ZNF536: variants seen among roughly 807,000 people sequenced by gnomAD.
The protein encoded by ZNF536 is zinc finger protein 536.
ZNF536 carries 13 observed loss-of-function variants against 84.5 expected under a neutral mutation model. The ratio of observed to expected loss-of-function variants is 0.15; its 90% CI spans 0.10 to 0.24. ZNF536 has a LOEUF of 0.24. ZNF536 is among the 10% of genes least tolerant of loss of function. The pLI, the probability that ZNF536 is intolerant of heterozygous loss-of-function variation, is 1.00. For synonymous variants in ZNF536, 811 were observed against 742.5 expected, an observed-to-expected ratio of 1.09 and a Z score of -1.50; for missense variants, 1,536 against 1,747.5, an observed-to-expected ratio of 0.88 and a Z score of 2.16.
intron 1 of ZNF536, among the ~76,000 whole-genome samples, chr19:30,708,572 C>A (rs1372232532): frequency 6.6e-6 from 1 of 152,166 alleles, no homozygotes; most frequent in Non-Finnish European, 1.5e-5. Context: ...ATGAAGGCCA[C>A]CCGCGGGCTG....
At chr19:30,710,445 C>A (rs146586876) in intron 1 of ZNF536, among the ~76,000 whole-genome samples, 6 of 152,208 alleles carry the variant, frequency 3.9e-5, no homozygotes, top group African/African-American at 1.4e-4. Flanking sequence ...GAGGCTAAGG[C>A]GGGAGGATGG....
intron 3 of ZNF536, among the ~76,000 whole-genome samples, chr19:30,537,761 G>T (rs905812090): frequency 6.6e-6 from 1 of 152,164 alleles, no homozygotes; most frequent in Admixed American, 6.5e-5. Context: ...ATACTCTTCG[G>T]AGACATTGAG....
intron 1 of ZNF536, among the ~76,000 whole-genome samples, chr19:30,620,137 A>T (rs755377336): frequency 1.3e-5 from 2 of 151,438 alleles, no homozygotes; most frequent in African/African-American, 2.4e-5. Context: ...ACTCAGCCAG[A>T]CTCTTAAGGT....
intron 2 of ZNF536, among the ~76,000 whole-genome samples, chr19:30,462,291 T>TG (rs1466917739): frequency 2.8e-5 from 4 of 144,400 alleles, no homozygotes; most frequent in African/African-American, 1.1e-4. Context: ...TTCTTGTGAT[T>TG]TTGTGTGTGT....
At chr19:30,407,694 T>C (rs2050319260) in intron 1 of ZNF536, among the ~76,000 whole-genome samples, 1 of 152,230 alleles carries the variant, frequency 6.6e-6, no homozygotes, top group Non-Finnish European at 1.5e-5. Flanking sequence ...CTTATGCATA[T>C]ATATTCTCTC....
rs867517530 is a variant in ZNF536, at chr19:30,313,577, C to T, written c.-120+29436C>T. Among the ~76,000 whole-genome samples, 10 of 152,284 alleles carry T rather than the reference C, an allele frequency of 6.6e-5. No homozygotes were observed. The Middle Eastern group carries it at 0.024, about 363-fold the overall frequency. On this transcript the variant is annotated intron_variant, in intron 2 of 5. Coordinates refer to the ZNF536 transcript ENST00000585628. ...CACCCCCTGCAACTCTCACCCTCAC[C>T]CCATGACCTCCAAAGCCTCCCAGGG...
chr19:30,253,886 G>C (rs989127889), intron 1 of ZNF536, among the ~76,000 whole-genome samples: 3 of 152,124 alleles, frequency 2.0e-5, no homozygotes, highest in Non-Finnish European at 4.4e-5. Flanking sequence ...AGATTAGTGA[G>C]TCAGAAAAGA....
At chr19:30,240,297 C>T (rs964872900) in intron 1 of ZNF536, among the ~76,000 whole-genome samples, 9 of 151,830 alleles carry the variant, frequency 5.9e-5, no homozygotes, top group African/African-American at 1.9e-4. Context: ...TGCTCAAACC[C>T]GGGAGGCAGA....
At chr19:30,361,050 A>G (rs923494672) in intron 3 of ZNF536, among the ~76,000 whole-genome samples, 1 of 152,204 alleles carries the variant, frequency 6.6e-6, no homozygotes, top group Non-Finnish European at 1.5e-5. Flanking sequence ...ATAGTGCCTG[A>G]CAACTTGCCG....
intron 1 of ZNF536, among the ~76,000 whole-genome samples, chr19:30,639,950 A>G (rs1404963800): frequency 1.3e-5 from 2 of 152,180 alleles, no homozygotes; most frequent in Admixed American, 1.3e-4. Flanking sequence ...AATTATTTAT[A>G]TACTCACATA....
chr19:30,540,934 C>T (rs2045304741), intron 3 of ZNF536, among the ~76,000 whole-genome samples: 1 of 152,202 alleles, frequency 6.6e-6, no homozygotes, highest in African/African-American at 2.4e-5. Context: ...CTTCCTTGGC[C>T]CCACGTGCTT....
At chr19:30,646,992 C>G (rs894746599) in intron 1 of ZNF536, among the ~76,000 whole-genome samples, 1 of 152,112 alleles carries the variant, frequency 6.6e-6, no homozygotes, top group African/African-American at 2.4e-5. Flanking sequence ...TCATTCTCCA[C>G]CCCCCACCAC....
chr19:30,392,399 C>A (rs1380261545), intron 1 of ZNF536, among the ~76,000 whole-genome samples: 1 of 152,150 alleles, frequency 6.6e-6, no homozygotes, highest in Non-Finnish European at 1.5e-5. Flanking sequence ...AGTTCATGCC[C>A]ATGTGGAGAC....
chr19:30,596,724 T>A (rs2047476746), intron 1 of ZNF536, among the ~76,000 whole-genome samples: 2 of 152,164 alleles, frequency 1.3e-5, no homozygotes, highest in South Asian at 4.2e-4. Context: ...TGCAAAGTAG[T>A]CGGCCGTGCA....
intron 3 of ZNF536, among the ~76,000 whole-genome samples, chr19:30,359,422 C>G (rs904213491): frequency 6.6e-6 from 1 of 152,212 alleles, no homozygotes; most frequent in African/African-American, 2.4e-5. Flanking sequence ...CCTGAGTTCT[C>G]CTGCTGCTGA....
chr19:30,673,533 C>T (rs763693328), intron 1 of ZNF536, among the ~76,000 whole-genome samples: 2 of 152,134 alleles, frequency 1.3e-5, no homozygotes, highest in African/African-American at 2.4e-5. Context: ...CATACATCGC[C>T]CGCACAGCAC....
chr19:30,445,294 A>C lies in ZNF536; in HGVS notation c.1732A>C (p.Met578Leu), dbSNP rs1172414574. ...LVGADGSKQK[M>L]PADLVHSTKV... ...GGGAGCAGATGGCTCCAAGCAGAAA[A>C]TGCCTGCTGATTTGGTTCACAGCAC... The change falls in exon 2 of 5, where the codon ATG becomes CTG. Residue 578 changes from methionine (M) to leucine (L), a missense_variant. Met to Leu is a conservative substitution (Grantham distance 15). Coordinates refer to ENST00000355537, the MANE Select transcript of ZNF536 (RefSeq NM_014717.3). The surrounding 1 kb of genome is among the most constrained non-coding windows in gnomAD (Gnocchi z 4.5). 1 of 1,614,144 alleles carries C rather than the reference A, an allele frequency of 6.2e-7. No homozygotes were observed. Among genetic ancestry groups the C allele is most frequent in the Non-Finnish European group, 8.5e-7 (1 of 1,180,018 alleles).
intron 1 of ZNF536, among the ~76,000 whole-genome samples, chr19:30,255,025 T>G (rs2024835205): frequency 6.6e-6 from 1 of 152,244 alleles, no homozygotes. Flanking sequence ...TTATGTGAAA[T>G]GAGTTTGATG....
chr19:30,517,374 C>T (rs1700860014), intron 2 of ZNF536, among the ~76,000 whole-genome samples: 1 of 151,998 alleles, frequency 6.6e-6, no homozygotes, highest in Non-Finnish European at 1.5e-5. Flanking sequence ...ATGGCAAATT[C>T]AGAGAGATGC....
Sources: allele counts gnomAD v4.1 joint callset (sites outside exome capture counted in the v4.1 genomes callset), GRCh38; gene constraint gnomAD v4.1.1; non-coding constraint Gnocchi (gnomAD v3.1); transcripts MANE v1.5; gene names NCBI Gene and HGNC (gene_info 2026-07-23, HGNC 2026-07-21).